STAU2: variants seen among roughly 807,000 people sequenced by gnomAD.
STAU2 encodes double-stranded RNA-binding protein Staufen homolog 2.
STAU2 carries 20 observed loss-of-function variants against 65.9 expected under a neutral mutation model. That is an observed-to-expected ratio of 0.30 (90% CI 0.21 to 0.44). The LOEUF (loss-of-function observed/expected upper bound fraction) is 0.44, where lower values mean the gene tolerates loss of function less well. Among genes scored for constraint, STAU2 ranks in the 20% least tolerant of loss-of-function variants. The pLI is 1.00. For synonymous variants in STAU2, 232 were observed against 233.9 expected (o/e 0.99, Z 0.07); for missense variants, 558 against 683.9 (o/e 0.82, Z 2.05).
At chr8:73,520,914 G>A (rs1228813327) in intron 13 of STAU2, among the ~76,000 whole-genome samples, 1 of 152,114 alleles carries the variant, frequency 6.6e-6, no homozygotes. Context: ...AAGCCAATAT[G>A]AGTCAGGTTT....
chr8:73,647,361 T>C (rs569840844), intron 6 of STAU2, among the ~76,000 whole-genome samples: 1 of 152,292 alleles, frequency 6.6e-6, no homozygotes, highest in East Asian at 1.9e-4. Context: ...TTCAACAAAC[T>C]GTGGTACACA....
chr8:73,704,078 T>C (rs1820317717), intron 4 of STAU2, among the ~76,000 whole-genome samples: 1 of 152,212 alleles, frequency 6.6e-6, no homozygotes, highest in Admixed American at 6.5e-5. Context: ...AATGATGATT[T>C]CATCATGCCT....
chr8:73,651,589 G>T, intron 6 of STAU2: 1 of 753,376 alleles, frequency 1.3e-6, no homozygotes, highest in Non-Finnish European at 2.3e-6. Flanking sequence ...CTGGGCCCCA[G>T]ACTCTGATGC....
intron 4 of STAU2, among the ~76,000 whole-genome samples, chr8:73,706,772 G>A (rs544012125): frequency 6.6e-6 from 1 of 152,210 alleles, no homozygotes; most frequent in East Asian, 1.9e-4. Flanking sequence ...AAAACCAAGG[G>A]AATCCTGGGA....
intron 3 of STAU2, among the ~76,000 whole-genome samples, chr8:73,718,621 G>A (rs1447298113): frequency 6.6e-6 from 1 of 152,210 alleles, no homozygotes; most frequent in Non-Finnish European, 1.5e-5. Flanking sequence ...TGGTTTTGGG[G>A]TTACAAATAA....
intron 6 of STAU2, among the ~76,000 whole-genome samples, chr8:73,620,163 T>C (rs1352809123): frequency 1.3e-5 from 2 of 152,196 alleles, no homozygotes; most frequent in Non-Finnish European, 1.5e-5. Context: ...TCATCTTCAC[T>C]TCATATTTCT....
rs1392543489 is a variant in STAU2, at chr8:73,654,705, G to A, written c.410+18402C>T. On this transcript the variant is annotated intron_variant, in intron 6 of 14. Coordinates refer to ENST00000524300, the MANE Select transcript of STAU2 (RefSeq NM_001164380.2). ...AACCTTTTTTTTTTTTTTTTTTTTT[G>A]AGACGGAGTTTCGCTCTGTCGCCCA... 1.7e-3 allele frequency among the ~76,000 whole-genome samples: 17 copies of A among 10,128 alleles called. No individual in the cohort carries two copies. In the East Asian group the frequency reaches 0.047, roughly 28 times the overall value. The allele number at this position is 10,128 out of a possible 152,430, so 6.6% of individuals were successfully genotyped here.
intron 3 of STAU2, among the ~76,000 whole-genome samples, chr8:73,721,184 G>C (rs1821640557): frequency 6.7e-6 from 1 of 148,976 alleles, no homozygotes; most frequent in Non-Finnish European, 1.5e-5. Flanking sequence ...TAGATACTCG[G>C]GGAGCAGAAA....
intron 13 of STAU2, among the ~76,000 whole-genome samples, chr8:73,446,408 G>A (rs566231796): frequency 6.6e-6 from 1 of 152,302 alleles, no homozygotes; most frequent in African/African-American, 2.4e-5. Flanking sequence ...AAATGGAACA[G>A]AGCTGCAACA....
chr8:73,519,023 A>C (rs1162153450), intron 13 of STAU2, among the ~76,000 whole-genome samples: 1 of 152,210 alleles, frequency 6.6e-6, no homozygotes, highest in Non-Finnish European at 1.5e-5. Flanking sequence ...TAGCACTCTA[A>C]TTCATAAAAA....
At chr8:73,675,387 A>ACG (rs1030207993) in intron 5 of STAU2, 10 of 151,984 alleles carry the variant, frequency 6.6e-5, no homozygotes, top group Non-Finnish European at 1.5e-4. Context: ...ACACACACAC[A>ACG]CACACACACA....
chr8:73,720,505 T>TACC (rs1281049509), intron 3 of STAU2, among the ~76,000 whole-genome samples: 1 of 42,912 alleles, frequency 2.3e-5, no homozygotes, highest in African/African-American at 1.8e-4. Context: ...CTTTCTTTTT[T>TACC]TTTTTTTTTT....
intron 13 of STAU2, among the ~76,000 whole-genome samples, chr8:73,502,108 G>C (rs1310515756): frequency 6.6e-6 from 1 of 151,854 alleles, no homozygotes; most frequent in Non-Finnish European, 1.5e-5. Flanking sequence ...TAATTGGGCA[G>C]AATTAGCATC....
chr8:73,560,613 T>G (rs1184340831), intron 12 of STAU2, among the ~76,000 whole-genome samples: 2 of 152,232 alleles, frequency 1.3e-5, no homozygotes, highest in African/African-American at 2.4e-5. Context: ...TGTTTGCCTT[T>G]TGGTGAACAC....
chr8:73,646,935 C>CCACA (rs1365707962), intron 6 of STAU2, among the ~76,000 whole-genome samples: 26 of 89,368 alleles, frequency 2.9e-4, no homozygotes, highest in African/African-American at 9.4e-4. Flanking sequence ...AGACACACAG[C>CCACA]CAGACACACA....
chr8:73,746,918 C>T, upstream of STAU2: 2 of 1,011,408 alleles, frequency 2.0e-6, no homozygotes, highest in Non-Finnish European at 2.4e-6. Flanking sequence ...CCCGCCTCCC[C>T]GGCGCTCCCG....
At chr8:73,571,566 T>G (rs1227897707) in intron 12 of STAU2, among the ~76,000 whole-genome samples, 1 of 152,162 alleles carries the variant, frequency 6.6e-6, no homozygotes, top group Non-Finnish European at 1.5e-5. Flanking sequence ...CACAGTGCAA[T>G]CAAACTAGAA....
Position 73,617,447 on chromosome 8 carries a change from G to C in STAU2, c.415C>G (p.His139Asp). 6.2e-7 allele frequency: 1 copy of C among 1,612,000 alleles called. No homozygotes were observed. Among genetic ancestry groups the C allele is most frequent in the Non-Finnish European group, 8.5e-7 (1 of 1,179,400 alleles). ...TAAAAGATCTTAGGCACTGGGCAAT[G>C]ATACCTAAAATAAGAAAATAAAAAC... ...NFRGMYNQRY[H>D]CPVPKIFYVQ... Residue 139 changes from histidine to aspartate, a missense_variant, in exon 7 of 15, where the codon CAT becomes GAT. This residue lies in a region of STAU2 where 199 missense variants were observed against 299.5 expected (regional missense o/e 0.66). Transcript: ENST00000524300.
rs368724840 is a variant in STAU2 at position 73,742,240 on chromosome 8, T to C, written c.-196-2372A>G. The C allele has an allele frequency of 1.0e-5, 10 of 985,302 alleles. No homozygotes were observed. The African/African-American group carries it at 1.7e-4, about 17-fold the overall frequency. The allele number at this position is 985,302 out of a possible 1,614,324, so 61.0% of individuals were successfully genotyped here. ...TTATACTACCTTTGGTTTCATAAAA[T>C]CCACCTCCTCAGCTGGGTGTGGTGG... is the stretch of plus-strand genomic sequence containing the variant. On this transcript the variant is annotated intron_variant, in intron 1 of 14. Transcript: ENST00000524300.
Sources: gnomAD v4.1 joint callset for allele counts (sites outside exome capture counted in the v4.1 genomes callset) on GRCh38, gnomAD v4.1.1 for gene constraint, gnomAD v4.1.1 regional missense constraint, MANE v1.5 for transcripts, NCBI Gene and HGNC (gene_info 2026-07-23, HGNC 2026-07-21) for gene names.